Variants in KCNU1 observed in about 807,000 individuals in gnomAD.
KCNU1 encodes the protein potassium channel subfamily U member 1.
A neutral mutation model predicts 126.8 loss-of-function variants in KCNU1; 93 were observed. The observed-to-expected ratio is 0.73, with a 90% CI of 0.62 to 0.87. KCNU1 has a LOEUF of 0.87. KCNU1 is among the 40% of genes least tolerant of loss of function. The probability of loss-of-function intolerance (pLI) is 0.00; values close to 1 mark genes in which losing one functional copy is unlikely to be tolerated. For missense variants in KCNU1, 1,330 were observed against 1,367.1 expected (o/e 0.97, Z 0.43); for synonymous variants, 523 against 494.2 (o/e 1.06, Z -0.77).
intron 19 of KCNU1, among the ~76,000 whole-genome samples, chr8:36,894,588 G>T (rs191721557): frequency 6.6e-6 from 1 of 152,164 alleles, no homozygotes; most frequent in Admixed American, 6.6e-5. Context: ...GTTTCTCTCA[G>T]CTTTTAATAT....
At chr8:36,912,953 CAAAAAAAAAAAAAAAAA>C in intron 22 of KCNU1, among the ~76,000 whole-genome samples, 1 of 37,374 alleles carries the variant, frequency 2.7e-5, no homozygotes, top group South Asian at 1.6e-3. Context: ...GGTGACAGAG[CAAAAAAAAAAAAAAAAA>C]AAAAAAAAAG....
intron 19 of KCNU1, among the ~76,000 whole-genome samples, chr8:36,885,701 G>C (rs1806673589): frequency 6.6e-6 from 1 of 152,134 alleles, no homozygotes; most frequent in South Asian, 2.1e-4. Flanking sequence ...GCCGAGGCAG[G>C]AGAATCTCTT....
intron 2 of KCNU1, among the ~76,000 whole-genome samples, chr8:36,800,109 G>A (rs184534164): frequency 3.3e-5 from 5 of 152,174 alleles, no homozygotes; most frequent in South Asian, 2.1e-4. Context: ...ATGCTGAATC[G>A]TAACAGATTC....
At chr8:36,814,787 A>G (rs1585406546) in intron 8 of KCNU1, among the ~76,000 whole-genome samples, 2 of 152,214 alleles carry the variant, frequency 1.3e-5, no homozygotes, top group South Asian at 2.1e-4. Flanking sequence ...TTAACTTTAG[A>G]GATATGAACA....
Position 36,798,201 on chromosome 8 carries a change from G to A in KCNU1, c.316-5826G>A, listed in dbSNP as rs190911148. 2.5e-3 allele frequency among the ~76,000 whole-genome samples: 384 copies of A among 152,188 alleles called. 4 individuals are homozygous for A. The highest frequency in any genetic ancestry group is 8.9e-3 in the African/African-American group (369 of 41,514). Reference sequence around the variant, plus strand: ...TGGACTCCTTCCTCTTAGGTCTTGAGGACTAAGCTCTGATTATTTTATCTT... The same window carrying A: ...TGGACTCCTTCCTCTTAGGTCTTGAAGACTAAGCTCTGATTATTTTATCTT... On this transcript the variant is annotated intron_variant, in intron 2 of 26. Coordinates refer to ENST00000399881, the MANE Select transcript of KCNU1 (RefSeq NM_001031836.3).
chr8:36,827,112 T>G (rs1169319375), intron 10 of KCNU1, among the ~76,000 whole-genome samples: 1 of 152,208 alleles, frequency 6.6e-6, no homozygotes, highest in Non-Finnish European at 1.5e-5. Flanking sequence ...ATGGAAACAC[T>G]GTTAACTTAG....
chr8:36,851,788 A>G (rs1008048417), intron 18 of KCNU1, among the ~76,000 whole-genome samples: 3 of 151,984 alleles, frequency 2.0e-5, no homozygotes, highest in Non-Finnish European at 2.9e-5. Context: ...GGTATAATTG[A>G]TTTTTGTATA....
chr8:36,849,701 C>T (rs371012996), intron 18 of KCNU1, among the ~76,000 whole-genome samples: 142 of 152,198 alleles, frequency 9.3e-4, no homozygotes, highest in African/African-American at 3.3e-3. Flanking sequence ...TAGATCTATA[C>T]CTCATTTTGT....
chr8:36,875,189 A>C (rs911750640), intron 19 of KCNU1, among the ~76,000 whole-genome samples: 2 of 151,920 alleles, frequency 1.3e-5, no homozygotes, highest in African/African-American at 4.8e-5. Context: ...ATTTTAATGC[A>C]TTTTATTAGG....
intron 2 of KCNU1, among the ~76,000 whole-genome samples, chr8:36,803,691 A>G (rs1291276058): frequency 2.0e-5 from 3 of 152,218 alleles, no homozygotes; most frequent in South Asian, 2.1e-4. Context: ...TGATGAGTGA[A>G]TAAGTGATCA....
intron 14 of KCNU1, 39 bp downstream of exon 14, chr8:36,836,984 C>T (rs1804774680): frequency 6.2e-7 from 1 of 1,603,640 alleles, no homozygotes; most frequent in African/African-American, 1.3e-5. Flanking sequence ...GGCTCTGTTC[C>T]TATGTCCTAC....
intron 2 of KCNU1, among the ~76,000 whole-genome samples, chr8:36,789,529 A>G (rs2130330368): frequency 6.6e-6 from 1 of 152,322 alleles, no homozygotes; most frequent in African/African-American, 2.4e-5. Context: ...TTTGCCAAGT[A>G]CATGCTAGGC....
At chr8:36,912,602 TTGTGTGTG>T (rs138894397) in intron 22 of KCNU1, among the ~76,000 whole-genome samples, 181 of 148,918 alleles carry the variant, frequency 1.2e-3, no homozygotes, top group African/African-American at 4.1e-3. Context: ...CACTCATCAT[TTGTGTGTG>T]TGTGTGTGTG....
At chr8:36,869,450 A>G (rs1268723341) in intron 19 of KCNU1, among the ~76,000 whole-genome samples, 1 of 152,170 alleles carries the variant, frequency 6.6e-6, no homozygotes, top group Non-Finnish European at 1.5e-5. Context: ...GATCACATTT[A>G]TAATATCAAC....
chr8:36,831,306 T>C lies in KCNU1; in HGVS notation c.1107-2248T>C, dbSNP rs556131354. ...GGATGGTTGGGTCAAGTGGTATTTC[T>C]AGTTCTAGATCCCTGAGGAATCGCC... On this transcript the variant is annotated intron_variant, in intron 10 of 26. Coordinates refer to ENST00000399881, the MANE Select transcript of KCNU1 (RefSeq NM_001031836.3). 1.5e-3 allele frequency among the ~76,000 whole-genome samples: 230 copies of C among 152,216 alleles called. 1 individual carries two copies. The highest frequency in any genetic ancestry group is 5.2e-3 in the African/African-American group (214 of 41,522).
chr8:36,819,458 A>G (rs1195929713), intron 10 of KCNU1, among the ~76,000 whole-genome samples: 1 of 152,158 alleles, frequency 6.6e-6, no homozygotes, highest in Non-Finnish European at 1.5e-5. Flanking sequence ...CAATCCTTAT[A>G]TACATTTTCA....
chr8:36,842,435 T>A (rs1050250881), intron 16 of KCNU1, among the ~76,000 whole-genome samples: 1 of 152,188 alleles, frequency 6.6e-6, no homozygotes, highest in Non-Finnish European at 1.5e-5. Flanking sequence ...TCTGGCTGCC[T>A]AAGTTCTGTT....
chr8:36,806,683 G>C lies in KCNU1; in HGVS notation c.580+303G>C, dbSNP rs1014095793. Among the ~76,000 whole-genome samples the C allele has an allele frequency of 2.6e-5, 4 of 152,118 alleles. 1 individual carries two copies. Among genetic ancestry groups the C allele is most frequent in the Admixed American group, 6.5e-5 (1 of 15,272 alleles). On this transcript the variant is annotated intron_variant, in intron 5 of 26. Coordinates refer to ENST00000399881, the MANE Select transcript of KCNU1 (RefSeq NM_001031836.3). ...GCACCTTTATGCTGGGATCCCACAG[G>C]AGCTGGGGGAGATGAAAAACCTCCC... is the stretch of plus-strand genomic sequence containing the variant.
At chr8:36,804,323 G>A (rs562770781) in intron 3 of KCNU1, among the ~76,000 whole-genome samples, 2 of 152,200 alleles carry the variant, frequency 1.3e-5, no homozygotes, top group African/African-American at 4.8e-5. Context: ...GGGTCAGGGT[G>A]GTCTGCAACC....
Sources: allele counts gnomAD v4.1 joint callset (sites outside exome capture counted in the v4.1 genomes callset), GRCh38; gene constraint gnomAD v4.1.1; transcripts MANE v1.5; gene names NCBI Gene and HGNC (gene_info 2026-07-23, HGNC 2026-07-21).